Variants in EFL1 observed in about 807,000 individuals in gnomAD.
EFL1 encodes the protein elongation factor like GTPase 1, also known as elongation factor-like GTPase 1.
EFL1 carries 76 observed loss-of-function variants against 126.7 expected under a neutral mutation model. The ratio of observed to expected loss-of-function variants is 0.60; its 90% CI spans 0.50 to 0.73. The LOEUF is 0.73. EFL1 is among the 30% of genes least tolerant of loss of function. The pLI, the probability that EFL1 is intolerant of heterozygous loss-of-function variation, is 0.00. For missense variants in EFL1, 1,128 were observed against 1,343.2 expected, an observed-to-expected ratio of 0.84 and a Z score of 2.50; for synonymous variants, 410 against 448.4, an observed-to-expected ratio of 0.91 and a Z score of 1.08.
At chr15:82,167,093 C>T (rs2074087657) in intron 15 of EFL1, among the ~76,000 whole-genome samples, 1 of 152,068 alleles carries the variant, frequency 6.6e-6, no homozygotes, top group African/African-American at 2.4e-5. Flanking sequence ...TTATAGAGGG[C>T]ACCAGTATTT....
At chr15:82,196,372 C>T (rs1269514926) in intron 15 of EFL1, among the ~76,000 whole-genome samples, 2 of 152,282 alleles carry the variant, frequency 1.3e-5, no homozygotes, top group East Asian at 3.9e-4. Flanking sequence ...AAAGGGCCTA[C>T]AGAACCTATG....
At chr15:82,199,289 T>TAGC (rs1052610361) in intron 15 of EFL1, among the ~76,000 whole-genome samples, 1 of 152,136 alleles carries the variant, frequency 6.6e-6, no homozygotes, top group Admixed American at 6.5e-5. Context: ...GACACTAAGA[T>TAGC]AGCAGTTGGT....
chr15:82,257,757 T>C (rs1188599836), intron 3 of EFL1, among the ~76,000 whole-genome samples: 1 of 152,214 alleles, frequency 6.6e-6, no homozygotes, highest in African/African-American at 2.4e-5. Context: ...TTAATTAAAG[T>C]CCATAGTTTA....
Position 82,152,233 on chromosome 15 carries a change from T to G in EFL1, c.2221A>C (p.Thr741Pro), listed in dbSNP as rs752633297. Residue 741 changes from threonine to proline, a missense_variant, in exon 18 of 20, where the codon ACC becomes CCC. This residue lies in a region of EFL1 where 561 missense variants were observed against 641.7 expected (regional missense o/e 0.87). Transcript: ENST00000268206. Reference protein sequence around the residue: ...GIQVDSDGLITITTPNKLATL... With the variant: ...GIQVDSDGLIPITTPNKLATL... ...GCAAGTTTATTGGGAGTTGTTATGG[T>G]GATTAGCCCGTCAGAGTCAACTTGG... is the stretch of plus-strand genomic sequence containing the variant. The G allele has an allele frequency of 6.2e-7, 1 of 1,614,178 alleles. No individual in the cohort carries two copies. Among genetic ancestry groups the G allele is most frequent in the South Asian group, 1.1e-5 (1 of 91,082 alleles).
chr15:82,237,704 C>T (rs1206886374), intron 7 of EFL1, among the ~76,000 whole-genome samples: 1 of 149,158 alleles, frequency 6.7e-6, no homozygotes, highest in Non-Finnish European at 1.5e-5. Context: ...AAAACCTACA[C>T]ATGAATGTTT....
intron 18 of EFL1, among the ~76,000 whole-genome samples, chr15:82,144,398 C>A (rs1359435983): frequency 1.3e-5 from 2 of 152,094 alleles, no homozygotes; most frequent in Admixed American, 1.3e-4. Flanking sequence ...TTGCTGAATA[C>A]AAAATTATTC....
intron 15 of EFL1, among the ~76,000 whole-genome samples, chr15:82,170,755 C>T (rs2074127291): frequency 6.6e-6 from 1 of 152,176 alleles, no homozygotes; most frequent in Non-Finnish European, 1.5e-5. Context: ...GCTGTAATAA[C>T]TTCTTTATGA....
intron 15 of EFL1, among the ~76,000 whole-genome samples, chr15:82,211,595 G>GACACACACACAC (rs10543301): frequency 0.094 from 9,938 of 105,664 alleles, 1,486 homozygotes; most frequent in African/African-American, 0.29. Context: ...ACACATACTA[G>GACACACACACAC]ACACACACAC....
intron 17 of EFL1, among the ~76,000 whole-genome samples, chr15:82,156,784 A>C (rs550669663): frequency 6.6e-6 from 1 of 152,334 alleles, no homozygotes; most frequent in African/African-American, 2.4e-5. Context: ...TAAAAACAAA[A>C]AGAAGGAAGG....
intron 19 of EFL1, among the ~76,000 whole-genome samples, chr15:82,133,325 AG>A (rs2073680076): frequency 6.6e-6 from 1 of 152,296 alleles, no homozygotes; most frequent in African/African-American, 2.4e-5. Flanking sequence ...CAACTGATAC[AG>A]GGTTGTTGTG....
chr15:82,230,860 C>G lies in EFL1; in HGVS notation c.843G>C (p.Met281Ile). The G allele has an allele frequency of 6.2e-7, 1 of 1,611,664 alleles. No homozygotes were observed. Among genetic ancestry groups the G allele is most frequent in the Non-Finnish European group, 8.5e-7 (1 of 1,178,938 alleles). The change falls in exon 8 of 20, where the codon ATG (methionine) becomes ATC (isoleucine). Residue 281 changes from methionine to isoleucine, a missense_variant. By Grantham distance (10) the Met-to-Ile change is conservative. This residue lies in a region of EFL1 where 316 missense variants were observed against 318.5 expected (regional missense o/e 0.99). Transcript: ENST00000268206. ...TATACCACATTACCTGATCACCCTT[C>G]ATGATCTTTTTAGCCTTCATATTTA... ...YYINMKAKKIMKGDQAKGKKP... is the reference protein window; with the variant it reads ...YYINMKAKKIIKGDQAKGKKP...
intron 15 of EFL1, among the ~76,000 whole-genome samples, chr15:82,212,941 G>A (rs1367235115): frequency 9.2e-5 from 14 of 152,174 alleles, no homozygotes; most frequent in Admixed American, 3.3e-4. Context: ...GAGGAATGTG[G>A]GTATGATTCT....
At chr15:82,204,315 T>C (rs2074501878) in intron 15 of EFL1, among the ~76,000 whole-genome samples, 1 of 152,148 alleles carries the variant, frequency 6.6e-6, no homozygotes, top group African/African-American at 2.4e-5. Context: ...ATACTTACTG[T>C]TATAACTGAA....
intron 19 of EFL1, among the ~76,000 whole-genome samples, chr15:82,137,669 A>C (rs539572182): frequency 1.3e-5 from 2 of 152,406 alleles, no homozygotes; most frequent in East Asian, 3.9e-4. Flanking sequence ...CCATGGTAAA[A>C]GGGAATAATG....
At chr15:82,155,118 A>G (rs1308863152) in intron 17 of EFL1, among the ~76,000 whole-genome samples, 2 of 152,216 alleles carry the variant, frequency 1.3e-5, no homozygotes, top group Non-Finnish European at 2.9e-5. Context: ...ATCATTCTAT[A>G]GAATTCCATT....
rs574659930 is a variant in EFL1 at position 82,204,259 on chromosome 15, G to A, written c.1750+10458C>T. ...ATACTTTACATTTTCTGGAAAGACC[G>A]AAAGACCTGCCAAGTCTTTATAATA... On this transcript the variant is annotated intron_variant, in intron 15 of 19. Transcript: ENST00000268206. 1.8e-3 allele frequency among the ~76,000 whole-genome samples: 268 copies of A among 152,146 alleles called. 1 individual carries two copies. The highest frequency in any genetic ancestry group is 3.5e-3 in the Non-Finnish European group (237 of 67,984).
At chr15:82,190,626 T>C (rs952882294) in intron 15 of EFL1, among the ~76,000 whole-genome samples, 2 of 152,188 alleles carry the variant, frequency 1.3e-5, no homozygotes, top group East Asian at 1.9e-4. Flanking sequence ...TTATTTGCCA[T>C]GTTAGTGATC....
chr15:82,258,074 C>G (rs1392182888), intron 3 of EFL1, among the ~76,000 whole-genome samples: 1 of 152,148 alleles, frequency 6.6e-6, no homozygotes, highest in Non-Finnish European at 1.5e-5. Flanking sequence ...TTGGGTCTAC[C>G]CTGTGGATTC....
chr15:82,202,211 C>T (rs367822746), intron 15 of EFL1, among the ~76,000 whole-genome samples: 11 of 152,084 alleles, frequency 7.2e-5, no homozygotes, highest in East Asian at 1.9e-4. Context: ...TATTGCTGGA[C>T]GACGTCTTTC....
Sources: allele counts gnomAD v4.1 joint callset (sites outside exome capture counted in the v4.1 genomes callset), GRCh38; gene constraint gnomAD v4.1.1; regional missense constraint gnomAD v4.1.1; transcripts MANE v1.5; gene names NCBI Gene and HGNC (gene_info 2026-07-23, HGNC 2026-07-21).